GBE1: variants seen among roughly 807,000 people sequenced by gnomAD.
GBE1 encodes the protein 1,4-alpha-glucan branching enzyme 1, also known as 1,4-alpha-glucan-branching enzyme.
Under a neutral mutation model 88.8 loss-of-function variants are expected in GBE1, and 70 were observed. That is an observed-to-expected ratio of 0.79 (90% CI 0.65 to 0.96). GBE1 has a LOEUF of 0.96. GBE1 is among the 40% of genes least tolerant of loss of function. The pLI, the probability that GBE1 is intolerant of heterozygous loss-of-function variation, is 0.00. For synonymous variants in GBE1, 284 were observed against 300.1 expected (o/e 0.95, Z 0.56); for missense variants, 872 against 871.0 (o/e 1.00, Z -0.01).
chr3:81,709,309 C>A (rs373837237), intron 1 of GBE1, among the ~76,000 whole-genome samples: 1 of 152,002 alleles, frequency 6.6e-6, no homozygotes, highest in South Asian at 2.1e-4. Flanking sequence ...AGAAAAGGTT[C>A]TTTGTGTGTG....
chr3:81,653,283 A>C (rs1704876894), intron 3 of GBE1, among the ~76,000 whole-genome samples: 1 of 152,034 alleles, frequency 6.6e-6, no homozygotes, highest in Non-Finnish European at 1.5e-5. Flanking sequence ...GGGCAACATA[A>C]GGAGACCTGG....
At chr3:81,719,728 A>C (rs1000147034) in intron 1 of GBE1, among the ~76,000 whole-genome samples, 1 of 152,220 alleles carries the variant, frequency 6.6e-6, no homozygotes, top group African/African-American at 2.4e-5. Context: ...TATCAGAGAT[A>C]TAAGAATTTA....
intron 1 of GBE1, 25 bp downstream of exon 1, chr3:81,761,349 TG>T: frequency 6.3e-7 from 1 of 1,592,582 alleles, no homozygotes. Context: ...CCTGTCTAAG[TG>T]GGGGTGGTGG....
chr3:81,653,224 GAGGCTGAGATGGGAGGATC>G (rs1382588120), intron 3 of GBE1, among the ~76,000 whole-genome samples: 1 of 152,128 alleles, frequency 6.6e-6, no homozygotes, highest in African/African-American at 2.4e-5. Context: ...AGCACTTTGG[GAGGCTGAGATGGGAGGATC>G]ACTTGAGGTC....
chr3:81,698,859 T>C (rs1179806922), intron 2 of GBE1, among the ~76,000 whole-genome samples: 2 of 152,206 alleles, frequency 1.3e-5, no homozygotes, highest in East Asian at 1.9e-4. Context: ...TAAACCTCCA[T>C]TGTACATATA....
chr3:81,612,962 T>C, intron 7 of GBE1: 1 of 401,782 alleles, frequency 2.5e-6, no homozygotes, highest in Non-Finnish European at 4.6e-6. Flanking sequence ...ATGACGATGA[T>C]GACGCAAAGG....
At chr3:81,655,384 A>G (rs1000507250) in intron 3 of GBE1, among the ~76,000 whole-genome samples, 1 of 152,198 alleles carries the variant, frequency 6.6e-6, no homozygotes, top group Admixed American at 6.5e-5. Context: ...AGAGGGTGGA[A>G]GGAACATAAA....
intron 2 of GBE1, among the ~76,000 whole-genome samples, chr3:81,699,835 T>C (rs2107159468): frequency 6.6e-6 from 1 of 152,260 alleles, no homozygotes; most frequent in South Asian, 2.1e-4. Flanking sequence ...TATCCCTCAA[T>C]CCAATCCAGT....
At position 81,590,548 on chromosome 3, in the gene GBE1, CATGA is replaced by C. The variant is rs1175726972; in HGVS notation, c.1236+485_1236+488del. ...CAGTTAATCATGAACCTTCAACAAT[CATGA>C]ATAACTAGTGAACATTTGGCAATCT... On this transcript the variant is annotated intron_variant, in intron 9 of 15. Transcript: ENST00000429644. 2.0e-5 allele frequency among the ~76,000 whole-genome samples: 3 copies of C among 152,094 alleles called. No individual in the cohort carries two copies. In the East Asian group the frequency reaches 5.8e-4, roughly 29 times the overall value.
intron 2 of GBE1, among the ~76,000 whole-genome samples, chr3:81,680,686 T>C (rs750392237): frequency 7.8e-4 from 118 of 152,094 alleles, no homozygotes; most frequent in Non-Finnish European, 1.4e-3. Flanking sequence ...CATGTTAAAA[T>C]CCTAACCCCA....
At chr3:81,575,286 CTATT>C (rs1374704167) in intron 12 of GBE1, among the ~76,000 whole-genome samples, 3 of 151,944 alleles carry the variant, frequency 2.0e-5, no homozygotes, top group African/African-American at 7.2e-5. Context: ...AAATACAAAT[CTATT>C]TATTCATAAA....
chr3:81,633,830 T>A (rs903181714), intron 7 of GBE1, among the ~76,000 whole-genome samples: 3 of 152,210 alleles, frequency 2.0e-5, no homozygotes, highest in Non-Finnish European at 4.4e-5. Context: ...GCGTGTCTCC[T>A]AAGGCACATT....
chr3:81,574,713 G>A, intron 12 of GBE1, among the ~76,000 whole-genome samples: 1 of 152,150 alleles, frequency 6.6e-6, no homozygotes, highest in East Asian at 1.9e-4. Context: ...ATGTCTCTGA[G>A]TCGAAGTTTT....
chr3:81,661,040 T>C (rs892113782), intron 3 of GBE1, among the ~76,000 whole-genome samples: 5 of 151,910 alleles, frequency 3.3e-5, no homozygotes, highest in African/African-American at 1.2e-4. Flanking sequence ...CAATAAAAGA[T>C]CAAATACCAA....
intron 3 of GBE1, among the ~76,000 whole-genome samples, chr3:81,669,633 A>AACAC (rs534835674): frequency 6.6e-6 from 1 of 151,374 alleles, no homozygotes; most frequent in Non-Finnish European, 1.5e-5. Flanking sequence ...GGAAAAAAAA[A>AACAC]ACACACACAC....
chr3:81,602,289 TA>T (rs1277937660), intron 7 of GBE1, among the ~76,000 whole-genome samples: 1 of 152,206 alleles, frequency 6.6e-6, no homozygotes, highest in Non-Finnish European at 1.5e-5. Context: ...GTGTAGTCGT[TA>T]ACATAGGACT....
chr3:81,741,647 G>A (rs1172487701), intron 1 of GBE1, among the ~76,000 whole-genome samples: 1 of 151,292 alleles, frequency 6.6e-6, no homozygotes, highest in Non-Finnish European at 1.5e-5. Flanking sequence ...CTAATACAAG[G>A]CATAATATAA....
At chr3:81,560,931 T>A (rs1371908423) in intron 12 of GBE1, among the ~76,000 whole-genome samples, 1 of 152,022 alleles carries the variant, frequency 6.6e-6, no homozygotes, top group Non-Finnish European at 1.5e-5. Context: ...CAGAACTGTT[T>A]ATGGTTTTAA....
chr3:81,563,167 C>T (rs1703443968), intron 12 of GBE1, among the ~76,000 whole-genome samples: 1 of 152,042 alleles, frequency 6.6e-6, no homozygotes, highest in African/African-American at 2.4e-5. Context: ...AGTCTTTGAG[C>T]TAAAATGAAG....
Sources: gnomAD v4.1 joint callset for allele counts (sites outside exome capture counted in the v4.1 genomes callset) on GRCh38, gnomAD v4.1.1 for gene constraint, MANE v1.5 for transcripts, NCBI Gene and HGNC (gene_info 2026-07-23, HGNC 2026-07-21) for gene names.